The following PTPN5 variants were observed in gnomAD, a reference collection of about 807,000 sequenced individuals.
PTPN5 encodes the protein tyrosine-protein phosphatase non-receptor type 5.
PTPN5 carries 29 observed loss-of-function variants against 73.9 expected under a neutral mutation model. The observed-to-expected ratio is 0.39, with a 90% confidence interval of 0.29 to 0.54. The LOEUF (loss-of-function observed/expected upper bound fraction) is 0.54, where lower values mean the gene tolerates loss of function less well. Among genes scored for constraint, PTPN5 ranks in the 20% least tolerant of loss-of-function variants. The pLI, the probability that PTPN5 is intolerant of heterozygous loss-of-function variation, is 0.65. For missense variants in PTPN5, 652 were observed against 751.4 expected, an observed-to-expected ratio of 0.87 and a Z score of 1.55; for synonymous variants, 267 against 304.7, an observed-to-expected ratio of 0.88 and a Z score of 1.29.
intron 2 of PTPN5, among the ~76,000 whole-genome samples, chr11:18,766,766 G>A (rs1031502330): frequency 1.3e-5 from 2 of 152,188 alleles, no homozygotes; most frequent in African/African-American, 2.4e-5. Flanking sequence ...TGCAGCGTGG[G>A]CTCCAGTGGC....
chr11:18,784,759 G>A (rs1851593136), intron 1 of PTPN5, among the ~76,000 whole-genome samples: 1 of 152,002 alleles, frequency 6.6e-6, no homozygotes, highest in Non-Finnish European at 1.5e-5. Context: ...ATGTCCCTCT[G>A]CCACCCCTAG....
At chr11:18,763,292 G>A (rs991884599) in intron 3 of PTPN5, among the ~76,000 whole-genome samples, 1 of 152,204 alleles carries the variant, frequency 6.6e-6, no homozygotes, top group Non-Finnish European at 1.5e-5. Flanking sequence ...TCCACAGGGT[G>A]CCAGAAGATG....
At chr11:18,756,729 C>G (rs1460265141) in intron 3 of PTPN5, among the ~76,000 whole-genome samples, 1 of 150,716 alleles carries the variant, frequency 6.6e-6, no homozygotes, top group Non-Finnish European at 1.5e-5. Flanking sequence ...GAGACCACCC[C>G]GGCTAACACG....
At chr11:18,787,419 T>G (rs1851720563) in intron 1 of PTPN5, among the ~76,000 whole-genome samples, 1 of 152,238 alleles carries the variant, frequency 6.6e-6, no homozygotes, top group African/African-American at 2.4e-5. Flanking sequence ...GAATAGGATA[T>G]GTGTTCTCTT....
At position 18,729,468 on chromosome 11, in the gene PTPN5, T is replaced by C; in HGVS notation, c.1589A>G (p.Gln530Arg). 6.4e-7 allele frequency: 1 copy of C among 1,551,902 alleles called. No homozygotes were observed. Among genetic ancestry groups the C allele is most frequent in the Non-Finnish European group, 8.9e-7 (1 of 1,127,894 alleles). Residue 530 changes from glutamine (Q) to arginine (R), a missense_variant, in exon 14 of 15, where the codon CAG becomes CGG. This residue lies in a region of PTPN5 where 102 missense variants were observed against 160.5 expected (regional missense o/e 0.64). Transcript: ENST00000358540. The surrounding 1 kb of genome is among the most constrained non-coding windows in gnomAD (Gnocchi z 5.2). ...GVVDILKTTCQLRQDRGGMIQ... is the reference protein window; with the variant it reads ...GVVDILKTTCRLRQDRGGMIQ... ...GTGGGCTGACCTGTCCTGACGGAGC[T>C]GGCACGTGGTCTTCAGGATGTCCAC...
intron 1 of PTPN5, among the ~76,000 whole-genome samples, chr11:18,790,742 G>A (rs1851879862): frequency 2.0e-5 from 3 of 152,122 alleles, no homozygotes; most frequent in Non-Finnish European, 4.4e-5. Context: ...GGATCTAGTT[G>A]TGTAGGAGGG....
Position 18,733,249 on chromosome 11 carries a change from C to T in PTPN5, c.1204G>A (p.Glu402Lys), listed in dbSNP as rs757055952. 61 of 1,613,108 alleles carry T rather than the reference C, an allele frequency of 3.8e-5. No individual in the cohort carries two copies. The highest frequency in any genetic ancestry group is 3.3e-4 in the Middle Eastern group (2 of 6,084). Reference protein sequence around the residue: ...TPIIVMITNIEEMNEKCTEYW... With the variant: ...TPIIVMITNIKEMNEKCTEYW... The stretch of plus-strand genomic sequence containing the variant: ...GGGGTCCCTACCTCGTTCATCTCCT[C>T]GATGTTGGTGATCATGACAATGATG... Residue 402 changes from glutamate to lysine, a missense_variant, in exon 11 of 15, where the codon GAG becomes AAG. Around this residue, in one of 3 missense-constraint regions of PTPN5, gnomAD observed 529 missense variants for 573.9 expected, o/e 0.92. Coordinates refer to ENST00000358540, the MANE Select transcript of PTPN5 (RefSeq NM_006906.2). The surrounding 1 kb of genome is among the most constrained non-coding windows in gnomAD (Gnocchi z 4.3).
chr11:18,729,006 G>C lies in PTPN5; in HGVS notation c.1626C>G (p.Cys542Trp). The change falls in exon 15 of 15, where the codon TGC (cysteine) becomes TGG (tryptophan). Residue 542 changes from cysteine to tryptophan, a missense_variant. Cys to Trp is a radical substitution (Grantham distance 215, BLOSUM62 -2). Coordinates refer to ENST00000358540, the MANE Select transcript of PTPN5 (RefSeq NM_006906.2). The surrounding 1 kb of genome is among the most constrained non-coding windows in gnomAD (Gnocchi z 5.2). ...RQDRGGMIQT[C>W]EQYQFVHHVM... ...CGTGGTGCACAAACTGGTACTGCTC[G>C]CATGTCTGGATCATGCCGCCCCTGC... 6.2e-7 allele frequency: 1 copy of C among 1,613,874 alleles called. No homozygotes were observed. The highest frequency in any genetic ancestry group is 2.2e-5 in the East Asian group (1 of 44,872).
intron 9 of PTPN5, among the ~76,000 whole-genome samples, chr11:18,734,811 C>T (rs1564888866): frequency 6.6e-6 from 1 of 152,196 alleles, no homozygotes; most frequent in Non-Finnish European, 1.5e-5. Context: ...CTCACTTGTC[C>T]AGGCCTCAGT....
In PTPN5 at chr11:18,742,714, T is replaced by C. The variant is rs1448641217; in HGVS notation, c.484-211A>G. Among the ~76,000 whole-genome samples the C allele has an allele frequency of 6.6e-6, 1 of 152,300 alleles. No homozygotes were observed. On this transcript the variant is annotated intron_variant, in intron 6 of 14. Coordinates refer to ENST00000358540, the MANE Select transcript of PTPN5 (RefSeq NM_006906.2). The surrounding 1 kb of genome is among the most constrained non-coding windows in gnomAD (Gnocchi z 4.1). ...CCTGCCCCTCCCTCTCCCAGCTCTC[T>C]GTTTCTTGTGGCTTCAGGCCTTCTC...
chr11:18,762,650 T>C (rs1376702709), intron 3 of PTPN5, among the ~76,000 whole-genome samples: 1 of 152,198 alleles, frequency 6.6e-6, no homozygotes, highest in African/African-American at 2.4e-5. Flanking sequence ...TTACTTATTT[T>C]ATTTGTTGTC....
chr11:18,742,288 G>A lies in PTPN5; in HGVS notation c.699C>T (p.Thr233=), dbSNP rs753669013. The change falls in exon 7 of 15, where the codon ACC becomes ACT. Residue 233 remains threonine, a synonymous_variant. Transcript: ENST00000358540. This position sits in a 1 kb window ranked among gnomAD's most constrained non-coding sequence, Gnocchi z 4.1. ...IKPEADPTSL[T]VKSMGLQERR... is the part of the protein sequence containing the mutation. Reference sequence around the variant, plus strand: ...TCTCCTGCAGACCCATGGACTTGACGGTGAGTGAGGTGGGGTCAGCCTCAG... The same window carrying A: ...TCTCCTGCAGACCCATGGACTTGACAGTGAGTGAGGTGGGGTCAGCCTCAG... 48 of 1,614,000 alleles carry A rather than the reference G, an allele frequency of 3.0e-5. No homozygotes were observed. Among genetic ancestry groups the A allele is most frequent in the Non-Finnish European group, 3.8e-5 (45 of 1,180,026 alleles).
intron 1 of PTPN5, among the ~76,000 whole-genome samples, chr11:18,782,031 T>C (rs1033130891): frequency 1.3e-5 from 2 of 151,946 alleles, no homozygotes; most frequent in African/African-American, 2.4e-5. Context: ...AGCCACAGAG[T>C]AGACGTAAGA....
intron 7 of PTPN5, 79 bp from the exon 8 acceptor site, chr11:18,740,871 A>G: frequency 1.1e-6 from 1 of 943,436 alleles, no homozygotes; most frequent in Non-Finnish European, 1.5e-6. Flanking sequence ...GGCTGGGAAA[A>G]TGAGGGAGGG....
At chr11:18,764,531 T>C (rs975092453) in intron 3 of PTPN5, among the ~76,000 whole-genome samples, 2 of 152,170 alleles carry the variant, frequency 1.3e-5, no homozygotes, top group African/African-American at 4.8e-5. Flanking sequence ...GTGAATAAAA[T>C]ACCACTTATT....
At chr11:18,780,815 G>C (rs1254437687) in intron 1 of PTPN5, among the ~76,000 whole-genome samples, 1 of 152,110 alleles carries the variant, frequency 6.6e-6, no homozygotes, top group African/African-American at 2.4e-5. Context: ...CAGTGCAGAG[G>C]AGAAAAAAAC....
chr11:18,777,975 GAAGAAAGAAAGA>G (rs55648455), intron 1 of PTPN5, among the ~76,000 whole-genome samples: 3 of 145,610 alleles, frequency 2.1e-5, no homozygotes, highest in East Asian at 2.0e-4. Context: ...AGGAAGGAAG[GAAGAAAGAAAGA>G]AAGAAAGGAA....
intron 9 of PTPN5, among the ~76,000 whole-genome samples, chr11:18,734,301 T>G (rs1849020960): frequency 6.6e-6 from 1 of 151,716 alleles, no homozygotes; most frequent in Non-Finnish European, 1.5e-5. Context: ...TGCAAAAAGG[T>G]TTTTTTTCCT....
chr11:18,763,330 C>T (rs1450788962), intron 3 of PTPN5, among the ~76,000 whole-genome samples: 1 of 152,206 alleles, frequency 6.6e-6, no homozygotes, highest in African/African-American at 2.4e-5. Context: ...ACAACAGAGG[C>T]AGAACAAGGT....
Sources: allele counts gnomAD v4.1 joint callset (sites outside exome capture counted in the v4.1 genomes callset), GRCh38; gene constraint gnomAD v4.1.1; regional missense constraint gnomAD v4.1.1; non-coding constraint Gnocchi (gnomAD v3.1); transcripts MANE v1.5; gene names NCBI Gene and HGNC (gene_info 2026-07-23, HGNC 2026-07-21).